The following CFAP299 variants were observed in gnomAD, a reference collection of about 807,000 sequenced individuals.
The protein encoded by CFAP299 is cilia- and flagella-associated protein 299.
A neutral mutation model predicts 27.0 loss-of-function variants in CFAP299; 21 were observed. That is an observed-to-expected ratio of 0.78 (90% CI 0.55 to 1.12). The LOEUF is 1.12. Ranked by LOEUF, CFAP299 falls within the 50% of genes most tolerant of loss-of-function variation. The pLI, the probability that CFAP299 is intolerant of heterozygous loss-of-function variation, is 0.00. For missense variants in CFAP299, 310 were observed against 276.6 expected (o/e 1.12, Z -0.86); for synonymous variants, 104 against 98.1 (o/e 1.06, Z -0.36).
At chr4:80,350,942 A>G (rs1232978165) in intron 1 of CFAP299, among the ~76,000 whole-genome samples, 1 of 152,194 alleles carries the variant, frequency 6.6e-6, no homozygotes, top group East Asian at 1.9e-4. Flanking sequence ...CAGAACTTAA[A>G]GTAAAAAATA....
At chr4:80,410,604 A>ATTTG in intron 2 of CFAP299, among the ~76,000 whole-genome samples, 1 of 152,320 alleles carries the variant, frequency 6.6e-6, no homozygotes, top group East Asian at 1.9e-4. Context: ...CCGTCCATGT[A>ATTTG]TAGAACTGTA....
intron 1 of CFAP299, among the ~76,000 whole-genome samples, chr4:80,356,062 C>T (rs939480511): frequency 1.3e-5 from 2 of 150,878 alleles, no homozygotes; most frequent in East Asian, 1.9e-4. Flanking sequence ...TATGGCTAGC[C>T]TGTTCTTCCA....
intron 3 of CFAP299, among the ~76,000 whole-genome samples, chr4:80,842,116 G>A (rs28645878): frequency 0.032 from 4,793 of 152,122 alleles, 151 homozygotes; most frequent in East Asian, 0.13. Flanking sequence ...GGGGGACTTT[G>A]GCTGGGTCTT....
rs74516988 is a variant in CFAP299 at position 80,390,920 on chromosome 4, CATATGTAT to C, written c.242+28053_242+28060del. Among the ~76,000 whole-genome samples the C allele has an allele frequency of 5.3e-3, 586 of 111,460 alleles. 22 individuals carry two copies. The highest frequency in any genetic ancestry group is 0.013 in the Middle Eastern group (2 of 160). The allele number at this position is 111,460 out of a possible 152,430, so 73.1% of individuals were successfully genotyped here. A position where few individuals can be genotyped will look rare whatever the true frequency, so the allele number is the denominator to read the frequency against. ...ACATATGCATATATGTATATACACA[CATATGTAT>C]ATATGTATATATGTATGTACACACA... On this transcript the variant is annotated intron_variant, in intron 2 of 5. Coordinates refer to ENST00000358105, the MANE Select transcript of CFAP299 (RefSeq NM_152770.3).
At chr4:80,567,729 A>ATT (rs765392417) in intron 2 of CFAP299, among the ~76,000 whole-genome samples, 14 of 22,682 alleles carry the variant, frequency 6.2e-4, no homozygotes, top group East Asian at 0.011. Flanking sequence ...ATTCTAATGT[A>ATT]TTTATATATA....
intron 3 of CFAP299, among the ~76,000 whole-genome samples, chr4:80,800,994 C>G (rs1019789861): frequency 6.6e-6 from 1 of 151,406 alleles, no homozygotes; most frequent in Non-Finnish European, 1.5e-5. Flanking sequence ...TTTCTGCCTG[C>G]TTTATATACT....
chr4:80,364,334 G>A (rs780030512), intron 2 of CFAP299, among the ~76,000 whole-genome samples: 10 of 151,992 alleles, frequency 6.6e-5, no homozygotes, highest in Admixed American at 1.3e-4. Flanking sequence ...TTGGGGGCTG[G>A]TCTTTGCTCC....
intron 2 of CFAP299, among the ~76,000 whole-genome samples, chr4:80,523,697 T>C (rs1168104979): frequency 6.6e-6 from 1 of 152,164 alleles, no homozygotes; most frequent in Non-Finnish European, 1.5e-5. Flanking sequence ...TTAACATCCG[T>C]ATTCTCAGGA....
At chr4:80,441,685 G>A (rs186374637) in intron 2 of CFAP299, among the ~76,000 whole-genome samples, 1 of 152,006 alleles carries the variant, frequency 6.6e-6, no homozygotes, top group Non-Finnish European at 1.5e-5. Flanking sequence ...ATAATGACAG[G>A]GTTAAATTCA....
intron 3 of CFAP299, among the ~76,000 whole-genome samples, chr4:80,845,263 G>T (rs1731111581): frequency 6.8e-6 from 1 of 147,392 alleles, no homozygotes; most frequent in South Asian, 2.2e-4. Flanking sequence ...ACCACCATCT[G>T]CTCAAGTCCC....
intron 4 of CFAP299, among the ~76,000 whole-genome samples, chr4:80,900,333 T>C (rs1288452076): frequency 1.3e-5 from 2 of 152,192 alleles, no homozygotes; most frequent in Non-Finnish European, 2.9e-5. Context: ...TATTATTTTA[T>C]GTTTTGTAAC....
At chr4:80,687,838 G>C (rs1163435584) in intron 3 of CFAP299, among the ~76,000 whole-genome samples, 2 of 152,206 alleles carry the variant, frequency 1.3e-5, no homozygotes, top group African/African-American at 4.8e-5. Context: ...CGCGCACCGT[G>C]CGCAAGCCGA....
chr4:80,900,735 CAATA>C (rs1385572319), intron 4 of CFAP299, among the ~76,000 whole-genome samples: 2 of 151,592 alleles, frequency 1.3e-5, no homozygotes, highest in South Asian at 2.1e-4. Flanking sequence ...TAGTAGGATT[CAATA>C]AATAGTTATT....
At chr4:80,929,833 CT>C (rs1411427394) in intron 4 of CFAP299, among the ~76,000 whole-genome samples, 13 of 152,294 alleles carry the variant, frequency 8.5e-5, no homozygotes, top group African/African-American at 3.1e-4. Flanking sequence ...ACAAGGCCTT[CT>C]GAGATCTGTT....
intron 2 of CFAP299, among the ~76,000 whole-genome samples, chr4:80,573,732 A>G (rs1359851684): frequency 6.6e-6 from 1 of 152,006 alleles, no homozygotes; most frequent in Non-Finnish European, 1.5e-5. Context: ...TCCCTAATAT[A>G]TATTCTTTGC....
chr4:80,797,666 G>C (rs922078384), intron 3 of CFAP299, among the ~76,000 whole-genome samples: 1 of 152,134 alleles, frequency 6.6e-6, no homozygotes, highest in Admixed American at 6.6e-5. Flanking sequence ...CTGACATACA[G>C]AGAAGAGCAA....
chr4:80,599,930 T>G (rs750587387), intron 3 of CFAP299, among the ~76,000 whole-genome samples: 1 of 152,088 alleles, frequency 6.6e-6, no homozygotes, highest in African/African-American at 2.4e-5. Flanking sequence ...TACTTGAAAT[T>G]GGGATACAAA....
rs144562507 is a variant in CFAP299, at chr4:80,680,483, C to T, written c.333+97300C>T. ...CGATACCTTCTCTAAAATAGCCCAA[C>T]GACACATCAGATTAAATTATTTTGT... On this transcript the variant is annotated intron_variant, in intron 3 of 5. Transcript: ENST00000358105. Among the ~76,000 whole-genome samples, 780 of 152,126 alleles carry T rather than the reference C, an allele frequency of 5.1e-3. 7 individuals carry two copies. Among genetic ancestry groups the T allele is most frequent in the Middle Eastern group, 0.02 (6 of 294 alleles).
At chr4:80,544,031 A>G (rs895677331) in intron 2 of CFAP299, among the ~76,000 whole-genome samples, 8 of 152,200 alleles carry the variant, frequency 5.3e-5, no homozygotes, top group African/African-American at 1.4e-4. Flanking sequence ...ACCAGCTAGA[A>G]AAGACTGGGG....
Sources: gnomAD v4.1 joint callset for allele counts (sites outside exome capture counted in the v4.1 genomes callset) on GRCh38, gnomAD v4.1.1 for gene constraint, MANE v1.5 for transcripts, NCBI Gene and HGNC (gene_info 2026-07-23, HGNC 2026-07-21) for gene names.